Variants in MPDZ observed in about 807,000 individuals in gnomAD.
The protein encoded by MPDZ is multiple PDZ domain crumbs cell polarity complex component.
MPDZ carries 234 observed loss-of-function variants against 239.1 expected under a neutral mutation model. That is an observed-to-expected ratio of 0.98 (90% CI 0.88 to 1.09). The LOEUF (loss-of-function observed/expected upper bound fraction) is 1.09. Ranked by LOEUF, MPDZ falls within the 50% of genes least tolerant of loss-of-function variation. The pLI is 0.00. For missense variants in MPDZ, 3,175 were observed against 2,510.0 expected (o/e 1.26, Z -5.66); for synonymous variants, 1,048 against 881.3 (o/e 1.19, Z -3.35).
intron 3 of MPDZ, among the ~76,000 whole-genome samples, chr9:13,236,175 G>A (rs1469082167): frequency 7.1e-6 from 1 of 140,440 alleles, no homozygotes; most frequent in Non-Finnish European, 1.5e-5. Flanking sequence ...GCTGGGTTTT[G>A]TGTGTGTGTG....
intron 12 of MPDZ, among the ~76,000 whole-genome samples, chr9:13,202,986 T>C (rs1432471345): frequency 6.6e-6 from 1 of 152,126 alleles, no homozygotes; most frequent in Non-Finnish European, 1.5e-5. Flanking sequence ...ATTTACTGCA[T>C]ATTTTCAAAT....
Position 13,268,479 on chromosome 9 carries a change from G to A in MPDZ, c.-58+10921C>T, listed in dbSNP as rs143403466. Among the ~76,000 whole-genome samples the A allele has an allele frequency of 2.0e-4, 30 of 152,172 alleles. 1 individual carries two copies. In the East Asian group the frequency reaches 4.8e-3, roughly 25 times the overall value. On this transcript the variant is annotated intron_variant, in intron 1 of 46. Transcript: ENST00000319217. Reference sequence around the variant, plus strand: ...ATCCACCTCTGTCACTGAAGCATATGACAAAAGAAGAATGAGGATAACTAT... The same window carrying A: ...ATCCACCTCTGTCACTGAAGCATATAACAAAAGAAGAATGAGGATAACTAT...
At position 13,205,961 on chromosome 9, in the gene MPDZ, T is replaced by C. The variant is rs780342892; in HGVS notation, c.1429A>G (p.Thr477Ala). The change falls in exon 11 of 47, where the codon ACA becomes GCA. Residue 477 changes from threonine to alanine, a missense_variant. Physicochemically the swap from Thr to Ala is moderately conservative, Grantham distance 58. Coordinates refer to ENST00000319217, the MANE Select transcript of MPDZ (RefSeq NM_001378778.1). ...EAELMSREDV[T>A]KDADLSPVNA... ...ACAGGAGACAAATCTGCATCTTTTG[T>C]GACGTCTTCCCTTGACATGAGCTCG... is the stretch of plus-strand genomic sequence containing the variant. 9 of 1,609,286 alleles carry C rather than the reference T, an allele frequency of 5.6e-6. No homozygotes were observed. The Admixed American group carries it at 6.8e-5, about 12-fold the overall frequency.
intron 21 of MPDZ, among the ~76,000 whole-genome samples, chr9:13,171,101 A>C (rs753697467): frequency 2.0e-5 from 3 of 152,174 alleles, no homozygotes; most frequent in Non-Finnish European, 4.4e-5. Context: ...ACTTACCTTT[A>C]AAAAGGGATG....
At chr9:13,165,845 C>A (rs1951010457) in intron 22 of MPDZ, among the ~76,000 whole-genome samples, 1 of 152,104 alleles carries the variant, frequency 6.6e-6, no homozygotes, top group Admixed American at 6.6e-5. Flanking sequence ...GGCTTCGCAT[C>A]TGGTTTTCCA....
intron 17 of MPDZ, among the ~76,000 whole-genome samples, chr9:13,187,647 T>G (rs762471141): frequency 6.6e-6 from 1 of 152,202 alleles, no homozygotes; most frequent in Non-Finnish European, 1.5e-5. Context: ...TGCACAAAAC[T>G]TTGGCACTTA....
Position 13,190,153 on chromosome 9 carries a change from T to G in MPDZ, c.2115A>C (p.Lys705Asn). Residue 705 changes from lysine to asparagine, a missense_variant, in exon 16 of 47, where the codon AAA (lysine) becomes AAC (asparagine). By Grantham distance (94) the Lys-to-Asn change is moderately conservative. Coordinates refer to ENST00000319217, the MANE Select transcript of MPDZ (RefSeq NM_001378778.1). ...TGCTAAAACCAAGTCCTTTGCTCCC[T>G]TTCTCCAGCTCTATGTGCTGAATGC... ...EAGIQHIELEKGSKGLGFSIL... is the reference protein window; with the variant it reads ...EAGIQHIELENGSKGLGFSIL... The G allele has an allele frequency of 6.2e-7, 1 of 1,613,284 alleles. No individual in the cohort carries two copies.
chr9:13,124,565 A>C (rs1334463976), intron 35 of MPDZ, among the ~76,000 whole-genome samples: 1 of 152,170 alleles, frequency 6.6e-6, no homozygotes, highest in Admixed American at 6.5e-5. Context: ...AAAGTAACTC[A>C]AAGGAATAAT....
At chr9:13,224,164 T>C (rs1477536390) in intron 4 of MPDZ, among the ~76,000 whole-genome samples, 1 of 152,130 alleles carries the variant, frequency 6.6e-6, no homozygotes, top group African/African-American at 2.4e-5. Flanking sequence ...AGAATATTTC[T>C]ATAATACAAC....
intron 3 of MPDZ, among the ~76,000 whole-genome samples, chr9:13,241,652 A>G (rs1965432211): frequency 6.6e-6 from 1 of 152,232 alleles, no homozygotes; most frequent in Non-Finnish European, 1.5e-5. Flanking sequence ...GAATCAAACA[A>G]AACAGTATCT....
intron 39 of MPDZ, among the ~76,000 whole-genome samples, chr9:13,117,722 G>C (rs1943695132): frequency 6.6e-6 from 1 of 151,870 alleles, no homozygotes; most frequent in African/African-American, 2.4e-5. Flanking sequence ...TGTGTATAGA[G>C]GATTATTTAC....
At chr9:13,202,130 T>A (rs1029422687) in intron 12 of MPDZ, among the ~76,000 whole-genome samples, 3 of 152,316 alleles carry the variant, frequency 2.0e-5, no homozygotes, top group Admixed American at 2.0e-4. Context: ...CTACTTAGTA[T>A]CAGAACTTAA....
intron 26 of MPDZ, among the ~76,000 whole-genome samples, chr9:13,147,135 A>C (rs1948539111): frequency 6.6e-6 from 1 of 152,080 alleles, no homozygotes; most frequent in Admixed American, 6.6e-5. Flanking sequence ...TTGCATAAGT[A>C]GGAGATTCTG....
chr9:13,167,001 G>C (rs2133848942), intron 22 of MPDZ, among the ~76,000 whole-genome samples: 1 of 152,214 alleles, frequency 6.6e-6, no homozygotes, highest in Non-Finnish European at 1.5e-5. Flanking sequence ...ATGCCAAAAA[G>C]TGGGCAGCAG....
chr9:13,192,338 T>C, intron 14 of MPDZ, 43 bp from the exon 15 acceptor site: 1 of 1,506,902 alleles, frequency 6.6e-7, no homozygotes, highest in African/African-American at 1.4e-5. Context: ...CACTTCATAA[T>C]ATGAACATTC....
At chr9:13,114,167 C>T in intron 40 of MPDZ, 146 bp from the exon 41 acceptor site, 1 of 687,686 alleles carries the variant, frequency 1.5e-6, no homozygotes. Context: ...AACACAGTTC[C>T]TACTGATTTT....
chr9:13,260,854 G>A (rs902711923), intron 1 of MPDZ, among the ~76,000 whole-genome samples: 2 of 152,080 alleles, frequency 1.3e-5, no homozygotes, highest in East Asian at 1.9e-4. Context: ...AATTTCTATG[G>A]TTTACACCTT....
At chr9:13,167,287 T>C (rs1041028947) in intron 22 of MPDZ, among the ~76,000 whole-genome samples, 2 of 152,116 alleles carry the variant, frequency 1.3e-5, no homozygotes, top group Non-Finnish European at 2.9e-5. Context: ...AACAGTAATA[T>C]GATCTGATGA....
At chr9:13,111,642 ATAAG>A (rs1196360427) in intron 43 of MPDZ, among the ~76,000 whole-genome samples, 2 of 152,226 alleles carry the variant, frequency 1.3e-5, no homozygotes, top group Non-Finnish European at 2.9e-5. Context: ...GTGAATGCAA[ATAAG>A]TAATACTTTT....
Sources: allele counts gnomAD v4.1 joint callset (sites outside exome capture counted in the v4.1 genomes callset), GRCh38; gene constraint gnomAD v4.1.1; transcripts MANE v1.5; gene names NCBI Gene and HGNC (gene_info 2026-07-23, HGNC 2026-07-21).